Variants in UGT1A8 observed in about 807,000 individuals in gnomAD.
The protein encoded by UGT1A8 is UDP-glucuronosyltransferase 1A8.
UGT1A8 carries 39 observed loss-of-function variants against 45.3 expected under a neutral mutation model. The ratio of observed to expected loss-of-function variants is 0.86; its 90% CI spans 0.67 to 1.12. The LOEUF (loss-of-function observed/expected upper bound fraction) is 1.12, where lower values mean the gene tolerates loss of function less well. Among genes scored for constraint, UGT1A8 ranks in the 50% most tolerant of loss-of-function variants. The probability of loss-of-function intolerance (pLI) is 0.00; values close to 1 mark genes in which losing one functional copy is unlikely to be tolerated. For synonymous variants in UGT1A8, 275 were observed against 249.2 expected, an observed-to-expected ratio of 1.10 and a Z score of -0.97; for missense variants, 719 against 664.9, an observed-to-expected ratio of 1.08 and a Z score of -0.90.
At position 233,682,414 on chromosome 2, in the gene UGT1A8, A is replaced by G. The variant is rs139969318; in HGVS notation, c.855+63852A>G. The G allele has an allele frequency of 2.9e-5, 47 of 1,613,848 alleles. No individual in the cohort carries two copies. The East Asian group carries it at 9.4e-4, about 32-fold the overall frequency. On this transcript the variant is annotated intron_variant, in intron 1 of 4. Transcript: ENST00000373450. Reference sequence around the variant, plus strand: ...ATGCCTGTGGCTTAATTGTTGCCAAATATTTCTCCCTCCCCTCTGTGGTCT... The same window carrying G: ...ATGCCTGTGGCTTAATTGTTGCCAAGTATTTCTCCCTCCCCTCTGTGGTCT...
chr2:233,756,091 CATT>C (rs1696120004), intron 1 of UGT1A8: 1 of 152,178 alleles, frequency 6.6e-6, no homozygotes, highest in Admixed American at 6.5e-5. Context: ...AATCAAGTAA[CATT>C]ATTACGGAAA....
At chr2:233,661,730 G>T (rs753647964) in intron 1 of UGT1A8, among the ~76,000 whole-genome samples, 5 of 125,188 alleles carry the variant, frequency 4.0e-5, no homozygotes, top group Non-Finnish European at 6.6e-5. Flanking sequence ...TTTAATGATC[G>T]CCAACCACAG....
chr2:233,628,004 T>C (rs952051120), intron 1 of UGT1A8, among the ~76,000 whole-genome samples: 9 of 152,056 alleles, frequency 5.9e-5, no homozygotes, highest in Non-Finnish European at 1.3e-4. Flanking sequence ...TTATATCACA[T>C]GCACTTAAGC....
chr2:233,772,497 T>A lies in UGT1A8; in HGVS notation c.1531T>A (p.Tyr511Asn). The change falls in exon 5 of 5, where the codon TAC becomes AAC. Residue 511 changes from tyrosine to asparagine, a missense_variant. By Grantham distance (143) the Tyr-to-Asn change is moderately radical (BLOSUM62 -2). Coordinates refer to ENST00000373450, the MANE Select transcript of UGT1A8 (RefSeq NM_019076.5). ...CACCTTTAAATGTTGTGCTTATGGC[T>A]ACCGGAAATGCTTGGGGAAAAAAGG... ...FITFKCCAYGYRKCLGKKGRV... is the reference protein window; with the variant it reads ...FITFKCCAYGNRKCLGKKGRV... The A allele has an allele frequency of 6.2e-7, 1 of 1,614,126 alleles. No homozygotes were observed. The highest frequency in any genetic ancestry group is 8.5e-7 in the Non-Finnish European group (1 of 1,180,040).
At chr2:233,698,827 G>T (rs2125576939) in intron 1 of UGT1A8, among the ~76,000 whole-genome samples, 1 of 152,348 alleles carries the variant, frequency 6.6e-6, no homozygotes, top group African/African-American at 2.4e-5. Flanking sequence ...GAAGAGTAAG[G>T]CAGGATCACT....
intron 1 of UGT1A8, among the ~76,000 whole-genome samples, chr2:233,618,964 A>G (rs1575380200): frequency 6.6e-6 from 1 of 152,144 alleles, no homozygotes; most frequent in South Asian, 2.1e-4. Context: ...TTTAAAAATT[A>G]TAGATCATAT....
intron 1 of UGT1A8, among the ~76,000 whole-genome samples, chr2:233,715,527 T>C (rs2076455988): frequency 6.6e-6 from 1 of 152,142 alleles, no homozygotes; most frequent in Admixed American, 6.5e-5. Flanking sequence ...ATTTCAGCCC[T>C]TTGGGAGACC....
At chr2:233,725,607 T>C (rs2077462497) in intron 1 of UGT1A8, among the ~76,000 whole-genome samples, 1 of 152,174 alleles carries the variant, frequency 6.6e-6, no homozygotes, top group African/African-American at 2.4e-5. Context: ...TAGTTTTTTC[T>C]TGCTAAGTCT....
intron 1 of UGT1A8, among the ~76,000 whole-genome samples, chr2:233,732,486 A>G (rs780972639): frequency 6.6e-6 from 1 of 152,226 alleles, no homozygotes; most frequent in Non-Finnish European, 1.5e-5. Context: ...TAATTTTTGT[A>G]TAAGGCGTAA....
chr2:233,752,699 G>C (rs1695036146), intron 1 of UGT1A8, among the ~76,000 whole-genome samples: 3 of 152,058 alleles, frequency 2.0e-5, no homozygotes, highest in Non-Finnish European at 4.4e-5. Flanking sequence ...TTACTAGTGG[G>C]GTATGATCTT....
intron 1 of UGT1A8, among the ~76,000 whole-genome samples, chr2:233,688,167 A>G (rs986637125): frequency 6.6e-6 from 1 of 152,182 alleles, no homozygotes; most frequent in African/African-American, 2.4e-5. Flanking sequence ...TGGGCATTTC[A>G]TGGAAATGGA....
Position 233,618,471 on chromosome 2 carries a change from C to T in UGT1A8, c.764C>T (p.Thr255Ile), listed in dbSNP as rs1304341068. Residue 255 changes from threonine to isoleucine, a missense_variant, in exon 1 of 5, where the codon ACA (threonine) becomes ATA (isoleucine). By Grantham distance (89) the Thr-to-Ile change is moderately conservative. Transcript: ENST00000373450. ...CACACATCAATTTGGTTGTTGCGAA[C>T]AGACTTTGTTTTGGACTATCCCAAA... ...YSHTSIWLLR[T>I]DFVLDYPKPV... The T allele has an allele frequency of 7.4e-6, 12 of 1,613,928 alleles. No individual in the cohort carries two copies. The highest frequency in any genetic ancestry group is 3.3e-4 in the Middle Eastern group (2 of 6,056).
intron 1 of UGT1A8, among the ~76,000 whole-genome samples, chr2:233,632,861 A>G (rs1407533124): frequency 2.0e-5 from 3 of 152,178 alleles, no homozygotes; most frequent in Non-Finnish European, 4.4e-5. Flanking sequence ...AGAACTTCCA[A>G]TACTATGTTG....
intron 1 of UGT1A8, among the ~76,000 whole-genome samples, chr2:233,757,900 G>A (rs1226953924): frequency 6.6e-6 from 1 of 152,060 alleles, no homozygotes; most frequent in African/African-American, 2.4e-5. Flanking sequence ...CACTTTCCAT[G>A]GACGTGTCAC....
intron 1 of UGT1A8, among the ~76,000 whole-genome samples, chr2:233,624,207 A>T (rs2073057385): frequency 6.6e-6 from 1 of 151,936 alleles, no homozygotes; most frequent in South Asian, 2.1e-4. Context: ...CTTTTATGGG[A>T]TCCCATTGAT....
intron 1 of UGT1A8, among the ~76,000 whole-genome samples, chr2:233,749,857 C>T (rs2125901015): frequency 6.6e-6 from 1 of 152,096 alleles, no homozygotes; most frequent in Middle Eastern, 3.4e-3. Flanking sequence ...CTCTCTCTCA[C>T]TTTCTGCCAG....
At chr2:233,726,649 CTTAAT>C (rs898700171) in intron 1 of UGT1A8, among the ~76,000 whole-genome samples, 5 of 152,174 alleles carry the variant, frequency 3.3e-5, no homozygotes, top group Non-Finnish European at 7.3e-5. Context: ...TCTTAAAACT[CTTAAT>C]TTAATCATAT....
chr2:233,687,481 T>C (rs2125537172), intron 1 of UGT1A8, among the ~76,000 whole-genome samples: 1 of 151,588 alleles, frequency 6.6e-6, no homozygotes. Flanking sequence ...GCAGACCTAT[T>C]TTTCAGATGA....
rs183997112 is a variant in UGT1A8 at position 233,642,772 on chromosome 2, T to G, written c.855+24210T>G. On this transcript the variant is annotated intron_variant, in intron 1 of 4. Coordinates refer to ENST00000373450, the MANE Select transcript of UGT1A8 (RefSeq NM_019076.5). ...GCTGTGGTTCTTGCAGACTTGTAGA[T>G]GTATTGCCTTGATGGTCTTGGACAA... Among the ~76,000 whole-genome samples the G allele has an allele frequency of 6.9e-3, 1,057 of 152,364 alleles. 43 individuals are homozygous for G. Among genetic ancestry groups the G allele is most frequent in the Admixed American group, 0.055 (838 of 15,308 alleles).
Sources: allele counts gnomAD v4.1 joint callset (sites outside exome capture counted in the v4.1 genomes callset), GRCh38; gene constraint gnomAD v4.1.1; transcripts MANE v1.5; gene names NCBI Gene and HGNC (gene_info 2026-07-23, HGNC 2026-07-21).